PLXDC2: variants seen among roughly 807,000 people sequenced by gnomAD.
PLXDC2 encodes the protein plexin domain containing 2, also known as plexin domain-containing protein 2.
In PLXDC2, 40 loss-of-function variants were observed where a neutral mutation model predicts 68.9. That is an observed-to-expected ratio of 0.58 (90% CI 0.45 to 0.76). The LOEUF is 0.76. Ranked by LOEUF, PLXDC2 falls within the 30% of genes least tolerant of loss-of-function variation. PLXDC2 has a pLI of 0.00. For synonymous variants in PLXDC2, 243 were observed against 234.2 expected (o/e 1.04, Z -0.34); for missense variants, 644 against 661.9 (o/e 0.97, Z 0.30).
chr10:19,966,714 A>G (rs1204750458), intron 1 of PLXDC2, among the ~76,000 whole-genome samples: 1 of 152,106 alleles, frequency 6.6e-6, no homozygotes, highest in African/African-American at 2.4e-5. Flanking sequence ...GCAAGACTGT[A>G]GTCCCACCAC....
Position 20,001,841 on chromosome 10 carries a change from C to T in PLXDC2, c.179C>T (p.Ala60Val), listed in dbSNP as rs137878669. Residue 60 changes from alanine to valine, a missense_variant, in exon 2 of 14, where the codon GCG becomes GTG. Ala to Val is a moderately conservative substitution (Grantham distance 64). This residue lies in a region of PLXDC2 where 201 missense variants were observed against 166.9 expected (regional missense o/e 1.20). Transcript: ENST00000377252. ...TEEEVEVDSH[A>V]YSHRWKRNLD... ...GAGGAGGTGGAAGTTGATTCACACG[C>T]GTACAGCCACAGGTGGAAAAGAAAC... 1.3e-5 allele frequency: 21 copies of T among 1,613,908 alleles called. No homozygotes were observed. Among genetic ancestry groups the T allele is most frequent in the African/African-American group, 1.2e-4 (9 of 74,884 alleles).
chr10:19,905,520 TCA>T (rs1249125352), intron 1 of PLXDC2, among the ~76,000 whole-genome samples: 1 of 152,180 alleles, frequency 6.6e-6, no homozygotes, highest in African/African-American at 2.4e-5. Context: ...TTGGGAAGAC[TCA>T]CATACTTAAA....
chr10:20,153,735 T>A (rs1480363461), intron 6 of PLXDC2, among the ~76,000 whole-genome samples: 1 of 152,150 alleles, frequency 6.6e-6, no homozygotes, highest in Non-Finnish European at 1.5e-5. Context: ...GAACCTGAAA[T>A]ACCCAGAGAC....
rs1449590922 is a variant in PLXDC2, at chr10:20,209,335, A to G, written c.1062-2334A>G. 5.3e-5 allele frequency among the ~76,000 whole-genome samples: 8 copies of G among 151,654 alleles called. No homozygotes were observed. In the East Asian group the frequency reaches 7.8e-4, roughly 15 times the overall value. On this transcript the variant is annotated intron_variant, in intron 9 of 13. Coordinates refer to ENST00000377252, the MANE Select transcript of PLXDC2 (RefSeq NM_032812.9). ...GGGATGTTCCTTGCTGAGGAAAACA[A>G]TGAGAACCTGTGGACACAGGAAGGG...
intron 7 of PLXDC2, among the ~76,000 whole-genome samples, chr10:20,167,175 AT>A (rs1834387052): frequency 6.6e-6 from 1 of 152,160 alleles, no homozygotes; most frequent in South Asian, 2.1e-4. Flanking sequence ...GAAAATTAGA[AT>A]CAATATGTTC....
intron 2 of PLXDC2, among the ~76,000 whole-genome samples, chr10:20,002,756 A>C: frequency 6.6e-6 from 1 of 152,110 alleles, no homozygotes; most frequent in Admixed American, 6.6e-5. Flanking sequence ...AGAGGAGTTC[A>C]CCTAACTGAT....
intron 1 of PLXDC2, among the ~76,000 whole-genome samples, chr10:19,982,832 G>A (rs959426142): frequency 3.9e-5 from 6 of 152,074 alleles, no homozygotes; most frequent in Non-Finnish European, 8.8e-5. Flanking sequence ...GTGGTCATTC[G>A]TATTACTGAG....
At chr10:19,915,375 ATGAAATGTATGACTCTTACTG>A (rs1833347061) in intron 1 of PLXDC2, among the ~76,000 whole-genome samples, 1 of 152,212 alleles carries the variant, frequency 6.6e-6, no homozygotes, top group Admixed American at 6.6e-5. Flanking sequence ...GGCACTTCAA[ATGAAATGTATGACTCTTACTG>A]TCATTTAAGA....
chr10:20,196,879 A>G (rs2131844230), intron 9 of PLXDC2, among the ~76,000 whole-genome samples: 1 of 152,308 alleles, frequency 6.6e-6, no homozygotes, highest in African/African-American at 2.4e-5. Flanking sequence ...TTTTTCTGGA[A>G]GTAAAAGTGT....
chr10:20,266,563 A>T (rs567606142), intron 13 of PLXDC2, among the ~76,000 whole-genome samples: 1 of 152,318 alleles, frequency 6.6e-6, no homozygotes, highest in African/African-American at 2.4e-5. Flanking sequence ...AAAATTTAGT[A>T]TATGTCTATT....
chr10:20,160,641 G>A (rs978140140), intron 6 of PLXDC2, among the ~76,000 whole-genome samples: 3 of 151,972 alleles, frequency 2.0e-5, no homozygotes, highest in Non-Finnish European at 2.9e-5. Context: ...TTTTGGTTTC[G>A]GGTAAATTTT....
At chr10:19,836,935 T>C (rs900285482) in intron 1 of PLXDC2, among the ~76,000 whole-genome samples, 1 of 152,212 alleles carries the variant, frequency 6.6e-6, no homozygotes, top group African/African-American at 2.4e-5. Flanking sequence ...AGTAAGCATT[T>C]GTGAAATAGG....
intron 1 of PLXDC2, among the ~76,000 whole-genome samples, chr10:19,991,107 G>A (rs549138282): frequency 2.0e-5 from 3 of 151,954 alleles, no homozygotes; most frequent in Admixed American, 6.6e-5. Context: ...TTAGTGGGGC[G>A]TGGTAGCACG....
chr10:19,899,146 T>C (rs1208146474), intron 1 of PLXDC2, among the ~76,000 whole-genome samples: 2 of 152,216 alleles, frequency 1.3e-5, no homozygotes, highest in African/African-American at 4.8e-5. Context: ...CCCTGGCTCA[T>C]GTGGTTTTCG....
chr10:20,003,099 G>A (rs1478445435), intron 2 of PLXDC2, among the ~76,000 whole-genome samples: 3 of 152,242 alleles, frequency 2.0e-5, no homozygotes, highest in African/African-American at 2.4e-5. Flanking sequence ...AGGGTTGCTC[G>A]AAGGCCTCAA....
chr10:20,203,243 T>C (rs921823939), intron 9 of PLXDC2, among the ~76,000 whole-genome samples: 13 of 151,856 alleles, frequency 8.6e-5, no homozygotes, highest in African/African-American at 2.7e-4. Context: ...TAAAAAGTAA[T>C]GGAAATACCT....
intron 1 of PLXDC2, among the ~76,000 whole-genome samples, chr10:19,966,359 A>ATATAAAATATATATGTG (rs1472966028): frequency 9.6e-5 from 1 of 10,436 alleles, no homozygotes; most frequent in Admixed American, 9.5e-4. Context: ...ATGTATGTAT[A>ATATAAAATATATATGTG]CACATATATA....
chr10:20,047,834 T>G (rs1171607611), intron 3 of PLXDC2, among the ~76,000 whole-genome samples: 1 of 152,122 alleles, frequency 6.6e-6, no homozygotes, highest in Non-Finnish European at 1.5e-5. Context: ...AGGTCTCCAC[T>G]AGAAAGTGGT....
chr10:19,975,884 A>C (rs968166682), intron 1 of PLXDC2, among the ~76,000 whole-genome samples: 2 of 151,924 alleles, frequency 1.3e-5, no homozygotes, highest in Non-Finnish European at 2.9e-5. Flanking sequence ...TGCGCCTGTA[A>C]TCCCAGCTAC....
Sources: gnomAD v4.1 joint callset for allele counts (sites outside exome capture counted in the v4.1 genomes callset) on GRCh38, gnomAD v4.1.1 for gene constraint, gnomAD v4.1.1 regional missense constraint, MANE v1.5 for transcripts, NCBI Gene and HGNC (gene_info 2026-07-23, HGNC 2026-07-21) for gene names.